Variants in TRAPPC9 observed in about 807,000 individuals in gnomAD.
TRAPPC9 encodes IKK2 binding protein.
TRAPPC9 carries 83 observed loss-of-function variants against 124.0 expected under a neutral mutation model. That is an observed-to-expected ratio of 0.67 (90% CI 0.56 to 0.80). The LOEUF (loss-of-function observed/expected upper bound fraction) is 0.80, where lower values mean the gene tolerates loss of function less well. TRAPPC9 is among the 30% of genes least tolerant of loss of function. TRAPPC9 has a pLI of 0.00. For missense variants in TRAPPC9, 1,302 were observed against 1,508.3 expected (o/e 0.86, Z 2.27); for synonymous variants, 638 against 617.5 (o/e 1.03, Z -0.49).
chr8:140,023,763 C>A (rs1190143293), intron 18 of TRAPPC9, among the ~76,000 whole-genome samples, 174 bp downstream of exon 18: 4 of 152,250 alleles, frequency 2.6e-5, no homozygotes, highest in Non-Finnish European at 5.9e-5. Flanking sequence ...AGGCAGTTCT[C>A]ATGTAACACC....
At chr8:139,955,342 T>C (rs2665921) in intron 19 of TRAPPC9, among the ~76,000 whole-genome samples, 109,218 of 151,974 alleles carry the variant, frequency 0.72, 40,214 homozygotes, top group East Asian at 0.98. Flanking sequence ...GTGGGTTCTT[T>C]GCATGCTGTG....
chr8:140,069,883 C>T (rs1843064459), intron 17 of TRAPPC9, among the ~76,000 whole-genome samples: 1 of 152,210 alleles, frequency 6.6e-6, no homozygotes, highest in South Asian at 2.1e-4. Context: ...GCTGTCAGTC[C>T]TAGAGTCCAA....
intron 6 of TRAPPC9, among the ~76,000 whole-genome samples, chr8:140,399,399 C>T (rs1280584360): frequency 6.6e-6 from 1 of 152,216 alleles, no homozygotes; most frequent in Non-Finnish European, 1.5e-5. Context: ...ATGAAAGCAG[C>T]CAGGACAGGG....
At chr8:139,770,107 G>A (rs77549466) in intron 21 of TRAPPC9, among the ~76,000 whole-genome samples, 1,572 of 152,314 alleles carry the variant, frequency 0.01, 32 homozygotes, top group African/African-American at 0.036. Flanking sequence ...GCCCAATCCC[G>A]AGTGCTGGTC....
At chr8:140,163,796 T>G (rs1280173859) in intron 17 of TRAPPC9, among the ~76,000 whole-genome samples, 1 of 152,012 alleles carries the variant, frequency 6.6e-6, no homozygotes, top group Non-Finnish European at 1.5e-5. Context: ...TCTCCAAACA[T>G]GGATAAGGTC....
At chr8:140,202,163 T>TAAAAAAAA (rs397698897) in intron 17 of TRAPPC9, among the ~76,000 whole-genome samples, 2 of 135,868 alleles carry the variant, frequency 1.5e-5, no homozygotes. Flanking sequence ...CTTCTGTAAT[T>TAAAAAAAA]AAAAAAAAAA....
chr8:140,311,441 T>C, intron 9 of TRAPPC9, 67 bp from the exon 10 acceptor site: 1 of 1,588,160 alleles, frequency 6.3e-7, no homozygotes, highest in Non-Finnish European at 8.6e-7. Flanking sequence ...GCTTTCATTT[T>C]ACTTGGGGCA....
chr8:140,034,294 A>AC (rs1225658127), intron 17 of TRAPPC9, among the ~76,000 whole-genome samples: 12 of 152,154 alleles, frequency 7.9e-5, no homozygotes, highest in African/African-American at 2.9e-4. Context: ...ATTAATAAAC[A>AC]CTTTTTCCAT....
intron 17 of TRAPPC9, among the ~76,000 whole-genome samples, chr8:140,110,235 T>A: frequency 2.1e-5 from 1 of 47,036 alleles, no homozygotes; most frequent in East Asian, 6.6e-4. Context: ...CTACAGCAGC[T>A]CCCCCTGTAG....
At chr8:139,773,096 T>A (rs947229741) in intron 21 of TRAPPC9, among the ~76,000 whole-genome samples, 1 of 152,284 alleles carries the variant, frequency 6.6e-6, no homozygotes, top group Middle Eastern at 3.4e-3. Context: ...TGGCTGTGGG[T>A]CCCGTGGCAG....
intron 9 of TRAPPC9, among the ~76,000 whole-genome samples, chr8:140,317,759 T>C (rs1463367091): frequency 1.3e-5 from 2 of 152,218 alleles, no homozygotes; most frequent in Admixed American, 1.3e-4. Context: ...AATATTGTAC[T>C]ATGTTCTTTA....
chr8:140,183,186 T>C (rs1341580346), intron 17 of TRAPPC9, among the ~76,000 whole-genome samples: 5 of 152,154 alleles, frequency 3.3e-5, no homozygotes, highest in Non-Finnish European at 7.3e-5. Flanking sequence ...AGGCACTGTG[T>C]TGGGCACTGG....
At chr8:139,735,160 G>C (rs894458537) in intron 21 of TRAPPC9, among the ~76,000 whole-genome samples, 4 of 152,220 alleles carry the variant, frequency 2.6e-5, no homozygotes, top group Non-Finnish European at 5.9e-5. Flanking sequence ...AGAAGGACCT[G>C]AGCTTGAGCG....
At chr8:139,735,962 C>T (rs1818137729) in intron 21 of TRAPPC9, among the ~76,000 whole-genome samples, 1 of 152,252 alleles carries the variant, frequency 6.6e-6, no homozygotes, top group African/African-American at 2.4e-5. Flanking sequence ...GGCAGAGCCA[C>T]ACCCTGTCGG....
rs528855985 is a variant in TRAPPC9, at chr8:140,325,008, A to G, written c.1496-13634T>C. On this transcript the variant is annotated intron_variant, in intron 9 of 22. Coordinates refer to ENST00000438773, the MANE Select transcript of TRAPPC9 (RefSeq NM_001160372.4). The stretch of plus-strand genomic sequence containing the variant: ...TTAAAAGACTGAAATCACACAGAAT[A>G]TGTTCTGACCATTACAGTATTAAAA... Among the ~76,000 whole-genome samples the G allele has an allele frequency of 2.0e-5, 3 of 152,318 alleles. No homozygotes were observed. The South Asian group carries it at 6.2e-4, about 32-fold the overall frequency.
At chr8:139,963,225 C>T (rs1178357573) in intron 19 of TRAPPC9, among the ~76,000 whole-genome samples, 1 of 151,950 alleles carries the variant, frequency 6.6e-6, no homozygotes, top group Non-Finnish European at 1.5e-5. Flanking sequence ...TTTTTCCCAC[C>T]CCAGTGGCTC....
chr8:140,238,879 C>G (rs1046451767), intron 16 of TRAPPC9, among the ~76,000 whole-genome samples: 3 of 152,174 alleles, frequency 2.0e-5, no homozygotes, highest in Non-Finnish European at 4.4e-5. Flanking sequence ...AAGCGCGACC[C>G]CCGTGCTGAC....
At chr8:140,211,011 G>GGTTTT (rs1375669761) in intron 17 of TRAPPC9, among the ~76,000 whole-genome samples, 2 of 151,512 alleles carry the variant, frequency 1.3e-5, no homozygotes, top group Non-Finnish European at 2.9e-5. Context: ...TATATCCTAG[G>GGTTTT]GTTTTTTTTT....
intron 6 of TRAPPC9, among the ~76,000 whole-genome samples, chr8:140,403,345 C>A (rs1012420940): frequency 5.7e-4 from 86 of 152,048 alleles, no homozygotes; most frequent in African/African-American, 2.0e-3. Flanking sequence ...AGGAGAATCA[C>A]TTGAATCCAG....
Sources: gnomAD v4.1 joint callset for allele counts (sites outside exome capture counted in the v4.1 genomes callset) on GRCh38, gnomAD v4.1.1 for gene constraint, MANE v1.5 for transcripts, NCBI Gene and HGNC (gene_info 2026-07-23, HGNC 2026-07-21) for gene names.